Variants in TAF15 observed in about 807,000 individuals in gnomAD.
TAF15 encodes the protein TATA-binding protein-associated factor 2N.
In TAF15, 37 loss-of-function variants were observed where a neutral mutation model predicts 102.5. The ratio of observed to expected loss-of-function variants is 0.36; its 90% confidence interval spans 0.28 to 0.47. TAF15 has a LOEUF of 0.47. TAF15 is among the 20% of genes least tolerant of loss of function. The pLI is 0.99. For synonymous variants in TAF15, 273 were observed against 259.2 expected (o/e 1.05, Z -0.51); for missense variants, 652 against 760.7 (o/e 0.86, Z 1.68).
At chr17:35,838,126 T>G (rs922198418) in intron 10 of TAF15, among the ~76,000 whole-genome samples, 2 of 152,040 alleles carry the variant, frequency 1.3e-5, no homozygotes, top group South Asian at 2.1e-4. Flanking sequence ...GAGGCTACAT[T>G]GAGTATGATC....
Position 35,820,467 on chromosome 17 carries a change from T to C in TAF15, c.290+30T>C, listed in dbSNP as rs573292531. On this transcript the variant is annotated intron_variant, in intron 5 of 15. Transcript: ENST00000605844. Reference sequence around the variant, plus strand: ...GGAAATAGTAAAATACTGAGATTGTTTTGGGCAGTGGAAATAACACTGATA... The same window carrying C: ...GGAAATAGTAAAATACTGAGATTGTCTTGGGCAGTGGAAATAACACTGATA... The C allele has an allele frequency of 5.6e-6, 9 of 1,594,232 alleles. No homozygotes were observed. In the East Asian group the frequency reaches 1.3e-4, roughly 24 times the overall value.
At chr17:35,831,174 G>C (rs761195435) in intron 7 of TAF15, among the ~76,000 whole-genome samples, 2 of 152,098 alleles carry the variant, frequency 1.3e-5, no homozygotes, top group Non-Finnish European at 2.9e-5. Flanking sequence ...AGGCCGAGAC[G>C]GGCGGATCAT....
Position 35,844,926 on chromosome 17 carries a change from G to A in TAF15, c.1627G>A (p.Gly543Arg), listed in dbSNP as rs190154706. 1.9e-6 allele frequency: 3 copies of A among 1,613,338 alleles called. No individual in the cohort carries two copies. In the Admixed American group the frequency reaches 5.0e-5, roughly 27 times the overall value. ...CCGTGGTGGTGGCAGTGGCTACGGT[G>A]GAGACCGAAGTGGAGGCTATGGAGG... ...GDRGGGSGYG[G>R]DRSGGYGGDR... Residue 543 changes from glycine to arginine, a missense_variant, in exon 15 of 16, where the codon GGA becomes AGA. By Grantham distance (125) the Gly-to-Arg change is moderately radical. Coordinates refer to ENST00000605844, the MANE Select transcript of TAF15 (RefSeq NM_139215.3).
chr17:35,824,015 AT>A (rs1360483505), intron 6 of TAF15, 62 bp from the exon 7 acceptor site: 8 of 1,610,382 alleles, frequency 5.0e-6, no homozygotes, highest in African/African-American at 1.3e-5. Flanking sequence ...GCCATTTAAC[AT>A]TGTTATTTGA....
intron 10 of TAF15, among the ~76,000 whole-genome samples, chr17:35,837,556 G>A (rs1181678997): frequency 6.6e-6 from 1 of 152,132 alleles, no homozygotes; most frequent in Admixed American, 6.5e-5. Flanking sequence ...GGCCGGGCGT[G>A]GTGGCTCACA....
At chr17:35,840,092 TAG>T (rs762188060) in intron 11 of TAF15, among the ~76,000 whole-genome samples, 5 of 152,210 alleles carry the variant, frequency 3.3e-5, no homozygotes, top group Non-Finnish European at 7.3e-5. Context: ...TCCAGGATCA[TAG>T]AGTAAGTCGC....
intron 7 of TAF15, among the ~76,000 whole-genome samples, chr17:35,832,309 G>C (rs1459567394): frequency 3.9e-5 from 6 of 152,146 alleles, no homozygotes; most frequent in African/African-American, 1.4e-4. Context: ...TGTCTATATT[G>C]CCTTGAAATA....
intron 8 of TAF15, 36 bp from the exon 9 acceptor site, chr17:35,834,530 C>G: frequency 1.2e-6 from 2 of 1,605,186 alleles, no homozygotes; most frequent in East Asian, 4.5e-5. Context: ...AAATAAATTG[C>G]CTTAAATAGC....
intron 7 of TAF15, among the ~76,000 whole-genome samples, chr17:35,826,812 C>T (rs970589749): frequency 2.0e-5 from 3 of 151,100 alleles, no homozygotes; most frequent in Admixed American, 1.3e-4. Context: ...GTGATCTGCC[C>T]GCCTTGGCCT....
In TAF15 at chr17:35,809,539, C is replaced by G; in HGVS notation, c.-31C>G. On this transcript the variant is annotated 5_prime_UTR_variant, in exon 1 of 16. Coordinates refer to ENST00000605844, the MANE Select transcript of TAF15 (RefSeq NM_139215.3). ...TTTCGTATTCGTTGTTCTCGGCGGG[C>G]TGTGGGGCCTCCGCGCCGCGGCCGT... is the stretch of plus-strand genomic sequence containing the variant. 6.2e-7 allele frequency: 1 copy of G among 1,612,880 alleles called. No homozygotes were observed. Among genetic ancestry groups the G allele is most frequent in the Middle Eastern group, 1.7e-4 (1 of 5,772 alleles).
chr17:35,839,370 CTTTTTTTTTTTTTTT>C lies in TAF15; in HGVS notation c.913+832_913+846del, dbSNP rs562461506. Among the ~76,000 whole-genome samples, 376 of 52,446 alleles carry C rather than the reference CTTTTTTTTTTTTTTT, an allele frequency of 7.2e-3. 5 individuals are homozygous for C. The highest frequency in any genetic ancestry group is 0.031 in the African/African-American group (352 of 11,188). 34.4% of individuals were successfully genotyped at this position (52,446 alleles called of 152,430 possible). Reference sequence around the variant, plus strand: ...TTAATACATACTTAGAAGAAATAGACTTTTTTTTTTTTTTTTTTTTTTTTTTTTTGAGACGGAGTC... The same window carrying C: ...TTAATACATACTTAGAAGAAATAGACTTTTTTTTTTTTTTGAGACGGAGTC... On this transcript the variant is annotated intron_variant, in intron 11 of 15. Coordinates refer to ENST00000605844, the MANE Select transcript of TAF15 (RefSeq NM_139215.3).
intron 10 of TAF15, 29 bp from the exon 11 acceptor site, chr17:35,838,395 T>C (rs1261019412): frequency 1.2e-6 from 2 of 1,613,646 alleles, no homozygotes; most frequent in Non-Finnish European, 1.7e-6. Flanking sequence ...TTAAAAATGC[T>C]AACACCAAGT....
At position 35,844,501 on chromosome 17, in the gene TAF15, G is replaced by A. The variant is rs1568282239; in HGVS notation, c.1202G>A (p.Gly401Glu). ...GGDFRGRGYG[G>E]ERGYRGRGGR... ...GATTTCCGGGGGAGAGGCTACGGTG[G>A]AGAGAGGGGCTACAGAGGTCGTGGG... Residue 401 changes from glycine to glutamate, a missense_variant, in exon 15 of 16, where the codon GGA (glycine) becomes GAA (glutamate). Transcript: ENST00000605844. 6.2e-7 allele frequency: 1 copy of A among 1,613,254 alleles called. No individual in the cohort carries two copies. Among genetic ancestry groups the A allele is most frequent in the Non-Finnish European group, 8.5e-7 (1 of 1,179,560 alleles).
intron 7 of TAF15, among the ~76,000 whole-genome samples, chr17:35,828,683 A>G (rs979873893): frequency 2.0e-5 from 3 of 151,080 alleles, no homozygotes; most frequent in African/African-American, 7.3e-5. Flanking sequence ...GTGAGCTATG[A>G]TTGTGCTTAT....
chr17:35,820,857 C>T (rs2087250135), intron 5 of TAF15, among the ~76,000 whole-genome samples: 1 of 152,050 alleles, frequency 6.6e-6, no homozygotes, highest in South Asian at 2.1e-4. Flanking sequence ...ATCAGATACC[C>T]TAAAATGTGT....
intron 7 of TAF15, among the ~76,000 whole-genome samples, chr17:35,831,553 G>T (rs1463367245): frequency 1.3e-5 from 2 of 152,090 alleles, no homozygotes; most frequent in East Asian, 3.8e-4. Context: ...TTACTGGCCA[G>T]AATGGAAATT....
At chr17:35,827,928 A>G (rs1298729500) in intron 7 of TAF15, among the ~76,000 whole-genome samples, 1 of 151,996 alleles carries the variant, frequency 6.6e-6, no homozygotes, top group Non-Finnish European at 1.5e-5. Flanking sequence ...AATTGTAGCA[A>G]AAAAAAAGAA....
chr17:35,817,877 A>T, intron 2 of TAF15, 122 bp downstream of exon 2: 1 of 873,486 alleles, frequency 1.1e-6, no homozygotes, highest in Admixed American at 1.9e-5. Context: ...TCACAGAGTG[A>T]AGAGAGTCAG....
chr17:35,843,211 C>T (rs1449860080), intron 12 of TAF15, among the ~76,000 whole-genome samples: 2 of 151,938 alleles, frequency 1.3e-5, no homozygotes, highest in African/African-American at 4.8e-5. Context: ...GCAACCTCTC[C>T]CTCCCGGGTT....
Sources: allele counts gnomAD v4.1 joint callset (sites outside exome capture counted in the v4.1 genomes callset), GRCh38; gene constraint gnomAD v4.1.1; transcripts MANE v1.5; gene names NCBI Gene and HGNC (gene_info 2026-07-23, HGNC 2026-07-21).